The following PLEKHA3 variants were observed in gnomAD, a reference collection of about 807,000 sequenced individuals.
PLEKHA3 encodes the protein pleckstrin homology domain containing A3.
Under a neutral mutation model 39.2 loss-of-function variants are expected in PLEKHA3, and 19 were observed. The ratio of observed to expected loss-of-function variants is 0.48; its 90% confidence interval spans 0.34 to 0.71. The LOEUF is 0.71. Among genes scored for constraint, PLEKHA3 ranks in the 30% least tolerant of loss-of-function variants. The pLI is 0.01. For missense variants in PLEKHA3, 253 were observed against 359.5 expected (o/e 0.70, Z 2.40); for synonymous variants, 97 against 118.6 (o/e 0.82, Z 1.18).
At position 178,512,542 on chromosome 2, in the gene PLEKHA3, T is replaced by C. The variant is rs577724111; in HGVS notation, c.*8655T>C. On this transcript the variant is annotated 3_prime_UTR_variant, in exon 8 of 8. Transcript: ENST00000234453. ...TCTCAATATAAAGTATATTGCCAGATCTGGCAGCATGGGGACAATTAGGAA... is the reference window on the plus strand; with the variant it reads ...TCTCAATATAAAGTATATTGCCAGACCTGGCAGCATGGGGACAATTAGGAA... 1 of 152,578 alleles carries C rather than the reference T, an allele frequency of 6.6e-6. No homozygotes were observed. Among genetic ancestry groups the C allele is most frequent in the East Asian group, 1.9e-4 (1 of 5,180 alleles). The allele number at this position is 152,578 out of a possible 1,614,324, so 9.5% of individuals were successfully genotyped here.
intron 3 of PLEKHA3, among the ~76,000 whole-genome samples, chr2:178,492,836 G>T (rs1685374137): frequency 6.6e-6 from 1 of 152,132 alleles, no homozygotes; most frequent in African/African-American, 2.4e-5. Flanking sequence ...TGGTGGTGAT[G>T]ATTTTACAAA....
rs1323150707 is a variant in PLEKHA3 at position 178,515,478 on chromosome 2, A to G, written c.*11591A>G. ...TTCTCCAGTTTTGATAGATGATTATAGAGTTCCCCAAAATGGCCTTCTTAC... is the reference window on the plus strand; with the variant it reads ...TTCTCCAGTTTTGATAGATGATTATGGAGTTCCCCAAAATGGCCTTCTTAC... On this transcript the variant is annotated 3_prime_UTR_variant, in exon 8 of 8. Coordinates refer to ENST00000234453, the MANE Select transcript of PLEKHA3 (RefSeq NM_019091.4). The G allele has an allele frequency of 6.6e-6, 1 of 152,230 alleles. No individual in the cohort carries two copies. Among genetic ancestry groups the G allele is most frequent in the Non-Finnish European group, 1.5e-5 (1 of 68,042 alleles). 9.4% of individuals were successfully genotyped at this position (152,230 alleles called of 1,614,324 possible).
intron 5 of PLEKHA3, among the ~76,000 whole-genome samples, chr2:178,498,499 T>C (rs1489027557): frequency 6.6e-6 from 1 of 152,234 alleles, no homozygotes; most frequent in Non-Finnish European, 1.5e-5. Context: ...TCTGCTACCA[T>C]GTTAAACTTT....
In PLEKHA3 at chr2:178,508,800, C is replaced by T. The variant is rs955814327; in HGVS notation, c.*4913C>T. 3 of 153,870 alleles carry T rather than the reference C, an allele frequency of 1.9e-5. No homozygotes were observed. Among genetic ancestry groups the T allele is most frequent in the African/African-American group, 7.2e-5 (3 of 41,460 alleles). 9.5% of individuals were successfully genotyped at this position (153,870 alleles called of 1,614,324 possible). A position where few individuals can be genotyped will look rare whatever the true frequency, so the allele number is the denominator to read the frequency against. ...CCGGCCCCACCCCCCAAATCCTCCT[C>T]TGGCTGCTGACCCTCAGGTTCAGTT... On this transcript the variant is annotated 3_prime_UTR_variant, in exon 8 of 8. Coordinates refer to ENST00000234453, the MANE Select transcript of PLEKHA3 (RefSeq NM_019091.4).
chr2:178,501,575 C>T (rs907096840), intron 7 of PLEKHA3, among the ~76,000 whole-genome samples: 5 of 151,958 alleles, frequency 3.3e-5, no homozygotes, highest in African/African-American at 4.8e-5. Context: ...CTAGAAATGG[C>T]TAAGGAAAAG....
intron 1 of PLEKHA3, among the ~76,000 whole-genome samples, chr2:178,483,457 A>G (rs1056652197): frequency 1.3e-5 from 2 of 152,202 alleles, no homozygotes; most frequent in African/African-American, 4.8e-5. Flanking sequence ...ATTTCTTCAA[A>G]AAGTGTGTAG....
In PLEKHA3 at chr2:178,508,690, G is replaced by A. The variant is rs931270988; in HGVS notation, c.*4803G>A. 1.3e-5 allele frequency: 2 copies of A among 153,678 alleles called. No homozygotes were observed. Among genetic ancestry groups the A allele is most frequent in the East Asian group, 3.8e-4 (2 of 5,200 alleles). The allele number at this position is 153,678 out of a possible 1,614,324, so 9.5% of individuals were successfully genotyped here. On this transcript the variant is annotated 3_prime_UTR_variant, in exon 8 of 8. Transcript: ENST00000234453. ...TCTAGAAAACTGGGTCCTGATAGTA[G>A]GGTAAGAAAAGACAGCTGAGGACCC...
intron 7 of PLEKHA3, 105 bp downstream of exon 7, chr2:178,501,281 GTTTC>G: frequency 1.3e-6 from 1 of 790,032 alleles, no homozygotes; most frequent in South Asian, 1.8e-5. Context: ...ATTGTACTTT[GTTTC>G]TTTGATTCCT....
At chr2:178,497,835 C>T (rs1056127163) in intron 5 of PLEKHA3, among the ~76,000 whole-genome samples, 2 of 151,930 alleles carry the variant, frequency 1.3e-5, no homozygotes, top group African/African-American at 4.8e-5. Flanking sequence ...GTTACAAATG[C>T]TCTGTAGTCC....
intron 2 of PLEKHA3, 64 bp from the exon 3 acceptor site, chr2:178,490,595 T>C: frequency 1.3e-6 from 2 of 1,482,576 alleles, no homozygotes; most frequent in South Asian, 1.2e-5. Flanking sequence ...GATTAGATGA[T>C]TATTTGATTA....
chr2:178,485,114 G>A (rs1685228305), intron 1 of PLEKHA3, among the ~76,000 whole-genome samples: 1 of 152,214 alleles, frequency 6.6e-6, no homozygotes, highest in African/African-American at 2.4e-5. Context: ...GAATTAGAGG[G>A]CTAGGTGGCA....
chr2:178,509,503 G>C lies in PLEKHA3; in HGVS notation c.*5616G>C, dbSNP rs1214039620. On this transcript the variant is annotated 3_prime_UTR_variant, in exon 8 of 8. Transcript: ENST00000234453. ...GTTTTTTTTTTTTTTTCTGAGACAGGGTCTCACTCTTTCACCCAGTCTTGA... is the reference window on the plus strand; with the variant it reads ...GTTTTTTTTTTTTTTTCTGAGACAGCGTCTCACTCTTTCACCCAGTCTTGA... 3 of 149,950 alleles carry C rather than the reference G, an allele frequency of 2.0e-5. No individual in the cohort carries two copies. The East Asian group carries it at 5.9e-4, about 29-fold the overall frequency. 9.3% of individuals were successfully genotyped at this position (149,950 alleles called of 1,614,324 possible).
At chr2:178,490,379 G>T (rs182197291) in intron 2 of PLEKHA3, among the ~76,000 whole-genome samples, 213 of 152,296 alleles carry the variant, frequency 1.4e-3, no homozygotes, top group Admixed American at 7.2e-3. Context: ...GCCCCAAGGT[G>T]GGGGAGGGCT....
At position 178,509,435 on chromosome 2, in the gene PLEKHA3, TTATTAA is replaced by T. The variant is rs1685649253; in HGVS notation, c.*5553_*5558del. On this transcript the variant is annotated 3_prime_UTR_variant, in exon 8 of 8. Coordinates refer to ENST00000234453, the MANE Select transcript of PLEKHA3 (RefSeq NM_019091.4). ...ACGTAGTGTGTTGAATAAGTGTTAG[TTATTAA>T]TATTGTTTACTATCATTATTATTAT... is the stretch of plus-strand genomic sequence containing the variant. 6.6e-6 allele frequency: 1 copy of T among 152,128 alleles called. No individual in the cohort carries two copies. The highest frequency in any genetic ancestry group is 1.5e-5 in the Non-Finnish European group (1 of 68,024). The allele number at this position is 152,128 out of a possible 1,614,324, so 9.4% of individuals were successfully genotyped here. A position where few individuals can be genotyped will look rare whatever the true frequency, so the allele number is the denominator to read the frequency against.
At chr2:178,482,612 A>G (rs1490221044) in intron 1 of PLEKHA3, among the ~76,000 whole-genome samples, 1 of 151,686 alleles carries the variant, frequency 6.6e-6, no homozygotes, top group Non-Finnish European at 1.5e-5. Context: ...TGCTCATCTC[A>G]TTGCAAGTGT....
Position 178,480,621 on chromosome 2 carries a change from G to GGCCGCC in PLEKHA3, c.-241_-236dup. 3.2e-6 allele frequency: 1 copy of GGCCGCC among 308,130 alleles called. No individual in the cohort carries two copies. The highest frequency in any genetic ancestry group is 5.9e-6 in the Non-Finnish European group (1 of 168,862). The allele number at this position is 308,130 out of a possible 1,614,324, so 19.1% of individuals were successfully genotyped here. A position where few individuals can be genotyped will look rare whatever the true frequency, so the allele number is the denominator to read the frequency against. ...GCGGGCGCATTTTTGCCGTTGTCGCGGCCGCCGCCGCCGAGGCTTACCCGG... is the reference window on the plus strand; with the variant it reads ...GCGGGCGCATTTTTGCCGTTGTCGCGGCCGCCGCCGCCGCCGCCGAGGCTTACCCGG... On this transcript the variant is annotated 5_prime_UTR_variant, in exon 1 of 8. Transcript: ENST00000234453.
rs186613886 is a variant in PLEKHA3 at position 178,516,141 on chromosome 2, T to G, written c.*12254T>G. The stretch of plus-strand genomic sequence containing the variant: ...AGTTATGGGTATTTAAGTGAAAAAT[T>G]TGTAAGTTTAGAAGTTAAGAAATTG... On this transcript the variant is annotated 3_prime_UTR_variant, in exon 8 of 8. Transcript: ENST00000234453. 3.0e-4 allele frequency: 46 copies of G among 151,862 alleles called. No homozygotes were observed. Among genetic ancestry groups the G allele is most frequent in the African/African-American group, 1.1e-3 (45 of 41,502 alleles). The allele number at this position is 151,862 out of a possible 1,614,324, so 9.4% of individuals were successfully genotyped here. A position where few individuals can be genotyped will look rare whatever the true frequency, so the allele number is the denominator to read the frequency against.
In PLEKHA3 at chr2:178,480,487, A is replaced by T. The variant is rs977825544; in HGVS notation, c.-383A>T. 6.2e-6 allele frequency: 1 copy of T among 162,502 alleles called. No individual in the cohort carries two copies. The highest frequency in any genetic ancestry group is 1.3e-5 in the Non-Finnish European group (1 of 75,020). 10.1% of individuals were successfully genotyped at this position (162,502 alleles called of 1,614,324 possible). Reference sequence around the variant, plus strand: ...GGAAGTGAAATCGACGTCGGGGTCAATGAAAACAAACGGGGAGCCCAGGGG... The same window carrying T: ...GGAAGTGAAATCGACGTCGGGGTCATTGAAAACAAACGGGGAGCCCAGGGG... On this transcript the variant is annotated 5_prime_UTR_variant, in exon 1 of 8. It removes an upstream start codon present in the reference 5' UTR. Coordinates refer to ENST00000234453, the MANE Select transcript of PLEKHA3 (RefSeq NM_019091.4).
chr2:178,488,174 G>A (rs1199347582), intron 2 of PLEKHA3, among the ~76,000 whole-genome samples: 2 of 152,148 alleles, frequency 1.3e-5, no homozygotes, highest in Non-Finnish European at 2.9e-5. Flanking sequence ...CAAGTCTTTG[G>A]CCCATTTTCT....
Sources: gnomAD v4.1 joint callset for allele counts (sites outside exome capture counted in the v4.1 genomes callset) on GRCh38, gnomAD v4.1.1 for gene constraint, MANE v1.5 for transcripts, NCBI Gene and HGNC (gene_info 2026-07-23, HGNC 2026-07-21) for gene names.